The following SORCS1 variants were observed in gnomAD, a reference collection of about 807,000 sequenced individuals.
The protein encoded by SORCS1 is sortilin related VPS10 domain containing receptor 1.
Under a neutral mutation model 146.1 loss-of-function variants are expected in SORCS1, and 60 were observed. The observed-to-expected ratio is 0.41, with a 90% CI of 0.33 to 0.51. The LOEUF (loss-of-function observed/expected upper bound fraction) is 0.51. Among genes scored for constraint, SORCS1 ranks in the 20% least tolerant of loss-of-function variants. SORCS1 has a pLI of 0.21. For synonymous variants in SORCS1, 637 were observed against 584.0 expected (o/e 1.09, Z -1.31); for missense variants, 1,352 against 1,487.6 (o/e 0.91, Z 1.50).
At chr10:106,610,906 C>T (rs1401201224) in intron 22 of SORCS1, among the ~76,000 whole-genome samples, 1 of 152,050 alleles carries the variant, frequency 6.6e-6, no homozygotes, top group Non-Finnish European at 1.5e-5. Flanking sequence ...TGGTGACACC[C>T]GTCTCTACTT....
chr10:106,677,427 T>C (rs754657898), intron 12 of SORCS1, 23 bp from the exon 13 acceptor site: 4 of 1,596,132 alleles, frequency 2.5e-6, no homozygotes, highest in Non-Finnish European at 3.4e-6. Context: ...AACACATACA[T>C]GGACACACAT....
intron 2 of SORCS1, among the ~76,000 whole-genome samples, chr10:106,901,409 T>A (rs762537866): frequency 2.0e-5 from 3 of 152,198 alleles, no homozygotes; most frequent in Non-Finnish European, 4.4e-5. Flanking sequence ...TTCAACTTTA[T>A]AAAAATTAAA....
At chr10:107,143,807 T>C (rs574631211) in intron 1 of SORCS1, among the ~76,000 whole-genome samples, 4 of 152,036 alleles carry the variant, frequency 2.6e-5, no homozygotes, top group Admixed American at 6.6e-5. Flanking sequence ...CCCGGCCTAA[T>C]TTTCCTATTT....
intron 1 of SORCS1, among the ~76,000 whole-genome samples, chr10:107,055,027 G>A (rs1342859711): frequency 1.3e-5 from 2 of 152,276 alleles, no homozygotes; most frequent in African/African-American, 4.8e-5. Context: ...TGATCCAACA[G>A]AGAATGTGCT....
chr10:106,870,762 C>T (rs1950378081), intron 2 of SORCS1, among the ~76,000 whole-genome samples: 1 of 152,098 alleles, frequency 6.6e-6, no homozygotes, highest in Non-Finnish European at 1.5e-5. Context: ...CAATACCATC[C>T]TAGACATAGG....
At chr10:106,946,437 C>G (rs748544602) in intron 2 of SORCS1, among the ~76,000 whole-genome samples, 2 of 152,130 alleles carry the variant, frequency 1.3e-5, no homozygotes, top group Non-Finnish European at 2.9e-5. Flanking sequence ...GCGGGTCTTC[C>G]CCCATACTAT....
chr10:106,953,450 T>C (rs1589780133), intron 2 of SORCS1, among the ~76,000 whole-genome samples: 1 of 152,178 alleles, frequency 6.6e-6, no homozygotes, highest in South Asian at 2.1e-4. Context: ...TAAATTTTTT[T>C]CCCCCAACAG....
intron 2 of SORCS1, among the ~76,000 whole-genome samples, chr10:106,869,467 C>A (rs1950331316): frequency 6.6e-6 from 1 of 152,126 alleles, no homozygotes; most frequent in African/African-American, 2.4e-5. Context: ...AAACTGAATC[C>A]AGCAGCACAG....
At chr10:106,594,931 C>G (rs536128741) in intron 24 of SORCS1, among the ~76,000 whole-genome samples, 2 of 152,304 alleles carry the variant, frequency 1.3e-5, no homozygotes, top group African/African-American at 4.8e-5. Flanking sequence ...ATCAGTGAAT[C>G]TTTTTAAAAC....
chr10:106,870,765 G>T (rs1422552543), intron 2 of SORCS1, among the ~76,000 whole-genome samples: 2 of 152,116 alleles, frequency 1.3e-5, no homozygotes, highest in African/African-American at 2.4e-5. Context: ...TACCATCCTA[G>T]ACATAGGAAC....
intron 2 of SORCS1, among the ~76,000 whole-genome samples, chr10:106,858,761 C>G (rs1212286192): frequency 2.6e-5 from 4 of 152,054 alleles, no homozygotes; most frequent in East Asian, 1.9e-4. Flanking sequence ...GCCCTGATAC[C>G]TGGATCTCTA....
chr10:106,612,062 T>C, intron 21 of SORCS1, 39 bp from the exon 22 acceptor site: 4 of 1,489,868 alleles, frequency 2.7e-6, no homozygotes, highest in East Asian at 2.3e-5. Context: ...ATAAGTCAAA[T>C]AGTCCTGTCA....
At chr10:106,872,238 G>A (rs1174998817) in intron 2 of SORCS1, among the ~76,000 whole-genome samples, 1 of 152,212 alleles carries the variant, frequency 6.6e-6, no homozygotes, top group Admixed American at 6.5e-5. Context: ...GAATAAATCT[G>A]AATGACATAA....
chr10:106,869,320 A>T (rs1238583085), intron 2 of SORCS1, among the ~76,000 whole-genome samples: 2 of 152,206 alleles, frequency 1.3e-5, no homozygotes, highest in Non-Finnish European at 2.9e-5. Context: ...AAGAGAAGGG[A>T]CTGCTTCTCA....
intron 2 of SORCS1, among the ~76,000 whole-genome samples, chr10:106,941,528 G>A (rs1301622326): frequency 6.6e-6 from 1 of 152,194 alleles, no homozygotes; most frequent in African/African-American, 2.4e-5. Context: ...GGCACGTGTT[G>A]CCTTGGCAGA....
intron 2 of SORCS1, among the ~76,000 whole-genome samples, chr10:106,837,351 T>A (rs1459991507): frequency 6.6e-6 from 1 of 151,884 alleles, no homozygotes; most frequent in Non-Finnish European, 1.5e-5. Context: ...GCATAAATAT[T>A]CCTCCCCTTG....
intron 19 of SORCS1, among the ~76,000 whole-genome samples, chr10:106,622,828 T>G (rs1847840564): frequency 6.6e-6 from 1 of 152,150 alleles, no homozygotes. Context: ...AGGAAAGCAG[T>G]TTGGTTTCAG....
At chr10:107,143,119 C>A (rs1054480218) in intron 1 of SORCS1, among the ~76,000 whole-genome samples, 2 of 152,138 alleles carry the variant, frequency 1.3e-5, no homozygotes, top group African/African-American at 4.8e-5. Context: ...CAAGTACCAT[C>A]GGTATCCATG....
intron 3 of SORCS1, among the ~76,000 whole-genome samples, chr10:106,785,409 G>C (rs1175063268): frequency 6.6e-6 from 1 of 152,080 alleles, no homozygotes; most frequent in Non-Finnish European, 1.5e-5. Flanking sequence ...AGATCTCACT[G>C]GGTTTTTGGT....
Sources: allele counts gnomAD v4.1 joint callset (sites outside exome capture counted in the v4.1 genomes callset), GRCh38; gene constraint gnomAD v4.1.1; transcripts MANE v1.5; gene names NCBI Gene and HGNC (gene_info 2026-07-23, HGNC 2026-07-21).